Variants in ZNF569 observed in about 807,000 individuals in gnomAD.
The protein encoded by ZNF569 is zinc finger protein 569.
In ZNF569, 38 loss-of-function variants were observed where a neutral mutation model predicts 56.3. The ratio of observed to expected loss-of-function variants is 0.68; its 90% CI spans 0.52 to 0.88. ZNF569 has a LOEUF of 0.88. ZNF569 is among the 40% of genes least tolerant of loss of function. The probability of loss-of-function intolerance (pLI) is 0.00; values close to 1 mark genes in which losing one functional copy is unlikely to be tolerated. For missense variants in ZNF569, 666 were observed against 809.2 expected (o/e 0.82, Z 2.15); for synonymous variants, 241 against 262.9 (o/e 0.92, Z 0.81).
At chr19:37,454,141 G>A (rs1039816447) in intron 2 of ZNF569, among the ~76,000 whole-genome samples, 6 of 152,076 alleles carry the variant, frequency 3.9e-5, no homozygotes, top group Non-Finnish European at 8.8e-5. Context: ...TGTACCCCAG[G>A]CTTCAATAAT....
intron 2 of ZNF569, among the ~76,000 whole-genome samples, chr19:37,464,693 T>C (rs1032496847): frequency 6.6e-6 from 1 of 152,188 alleles, no homozygotes; most frequent in African/African-American, 2.4e-5. Flanking sequence ...TACTCCATGA[T>C]GTTCATACAA....
chr19:37,435,882 C>A (rs1453219620), intron 3 of ZNF569, among the ~76,000 whole-genome samples: 1 of 151,962 alleles, frequency 6.6e-6, no homozygotes, highest in Non-Finnish European at 1.5e-5. Context: ...AGAGATAGAC[C>A]CAATAGAATA....
chr19:37,440,653 CG>C (rs1347877920), intron 3 of ZNF569, among the ~76,000 whole-genome samples: 2 of 151,912 alleles, frequency 1.3e-5, no homozygotes, highest in African/African-American at 4.8e-5. Flanking sequence ...ATAAGAAACA[CG>C]GAAGGAAGTT....
intron 5 of ZNF569, among the ~76,000 whole-genome samples, chr19:37,417,600 C>A (rs2040955721): frequency 6.6e-6 from 1 of 151,800 alleles, no homozygotes; most frequent in Admixed American, 6.6e-5. Context: ...TTTCAGCAGC[C>A]CTAGGAAACT....
intron 3 of ZNF569, among the ~76,000 whole-genome samples, chr19:37,442,451 ATGG>A (rs1195080208): frequency 6.6e-6 from 1 of 152,184 alleles, no homozygotes; most frequent in African/African-American, 2.4e-5. Flanking sequence ...GCACAAGATA[ATGG>A]TGAAGACATG....
At position 37,413,676 on chromosome 19, in the gene ZNF569, A is replaced by C; in HGVS notation, c.982T>G (p.Cys328Gly). ...KVHTGEKPYA[C>G]NECGKAFPRI... ...GGGAAGGCTTTACCACATTCATTAC[A>C]TGCATAAGGTTTCTCCCCAGTATGA... Residue 328 changes from cysteine (C) to glycine (G), a missense_variant, in exon 6 of 6, where the codon TGT becomes GGT. Transcript: ENST00000316950. 1 of 1,614,026 alleles carries C rather than the reference A, an allele frequency of 6.2e-7. No homozygotes were observed. The highest frequency in any genetic ancestry group is 8.5e-7 in the Non-Finnish European group (1 of 1,179,946).
intron 3 of ZNF569, among the ~76,000 whole-genome samples, chr19:37,441,153 G>A (rs1214873847): frequency 6.6e-6 from 1 of 152,156 alleles, no homozygotes; most frequent in Admixed American, 6.5e-5. Flanking sequence ...TCCTCTTACA[G>A]GCCTGGAATA....
chr19:37,460,028 AG>A (rs1252774111), intron 2 of ZNF569, among the ~76,000 whole-genome samples: 1 of 152,230 alleles, frequency 6.6e-6, no homozygotes, highest in Non-Finnish European at 1.5e-5. Flanking sequence ...CAGACAAAGG[AG>A]GGGAGAAGAG....
chr19:37,456,988 CA>C (rs1197821741), intron 2 of ZNF569, among the ~76,000 whole-genome samples: 1 of 149,842 alleles, frequency 6.7e-6, no homozygotes, highest in African/African-American at 2.4e-5. Flanking sequence ...AAACAAAAAA[CA>C]AAAAACACAA....
At chr19:37,454,803 G>A (rs1266355053) in intron 2 of ZNF569, 1 of 699,622 alleles carries the variant, frequency 1.4e-6, no homozygotes, top group Admixed American at 2.0e-5. Flanking sequence ...TTAAAAATTT[G>A]TTTAAAAACT....
chr19:37,412,455 T>C lies in ZNF569; in HGVS notation c.*142A>G, dbSNP rs192902523. On this transcript the variant is annotated 3_prime_UTR_variant, in exon 6 of 6. Coordinates refer to ENST00000316950, the MANE Select transcript of ZNF569 (RefSeq NM_152484.3). Reference sequence around the variant, plus strand: ...ATAATTTGTCACCTTGGAAGAATTCTCTAATGTTTCATAAATTTGTGGCTT... The same window carrying C: ...ATAATTTGTCACCTTGGAAGAATTCCCTAATGTTTCATAAATTTGTGGCTT... 2.2e-6 allele frequency: 3 copies of C among 1,344,200 alleles called. No homozygotes were observed. The highest frequency in any genetic ancestry group is 2.6e-5 in the East Asian group (1 of 38,314). The allele number at this position is 1,344,200 out of a possible 1,614,324, so 83.3% of individuals were successfully genotyped here. A position where few individuals can be genotyped will look rare whatever the true frequency, so the allele number is the denominator to read the frequency against.
chr19:37,412,886 G>A lies in ZNF569; in HGVS notation c.1772C>T (p.Thr591Ile), dbSNP rs749285983. The A allele has an allele frequency of 8.1e-6, 13 of 1,613,934 alleles. No individual in the cohort carries two copies. Among genetic ancestry groups the A allele is most frequent in the Non-Finnish European group, 1.1e-5 (13 of 1,179,968 alleles). ...GCCTCTCATGTGCACAATAAGGGAA[G>A]TTCTTTGAGAGAAGGCTTTCCCACA... is the stretch of plus-strand genomic sequence containing the variant. Reference protein sequence around the residue: ...NECGKAFSQRTSLIVHMRGHT... With the variant: ...NECGKAFSQRISLIVHMRGHT... The change falls in exon 6 of 6, where the codon ACT becomes ATT. Residue 591 changes from threonine (T) to isoleucine (I), a missense_variant. Transcript: ENST00000316950.
chr19:37,445,607 A>G (rs2041480069), intron 2 of ZNF569, among the ~76,000 whole-genome samples: 1 of 152,222 alleles, frequency 6.6e-6, no homozygotes, highest in African/African-American at 2.4e-5. Flanking sequence ...GTTTCAGGAC[A>G]CAAAATTAAT....
chr19:37,446,481 C>T (rs1045528196), intron 2 of ZNF569, among the ~76,000 whole-genome samples: 5 of 143,180 alleles, frequency 3.5e-5, no homozygotes, highest in Admixed American at 2.9e-4. Flanking sequence ...ACCTGAGAGG[C>T]GGAGGTTGCA....
intron 5 of ZNF569, among the ~76,000 whole-genome samples, chr19:37,418,367 T>C (rs2040972420): frequency 6.6e-6 from 1 of 152,044 alleles, no homozygotes; most frequent in South Asian, 2.1e-4. Context: ...TATGGTATAA[T>C]AAATACATGA....
At chr19:37,453,272 C>T (rs1010163988) in intron 2 of ZNF569, among the ~76,000 whole-genome samples, 1 of 152,190 alleles carries the variant, frequency 6.6e-6, no homozygotes, top group Non-Finnish European at 1.5e-5. Context: ...AATCTCCCTA[C>T]TAGCTTCACT....
In ZNF569 at chr19:37,465,366, G is replaced by A. The variant is rs2041814047; in HGVS notation, c.-97C>T. 1 of 152,192 alleles carries A rather than the reference G, an allele frequency of 6.6e-6. No individual in the cohort carries two copies. Among genetic ancestry groups the A allele is most frequent in the Admixed American group, 6.5e-5 (1 of 15,282 alleles). The allele number at this position is 152,192 out of a possible 1,614,324, so 9.4% of individuals were successfully genotyped here. On this transcript the variant is annotated 5_prime_UTR_variant, in exon 2 of 6. Transcript: ENST00000316950. Reference sequence around the variant, plus strand: ...TAAGTACCATGATAGTAGGGGGTTTGTCTCTTGTTCACTGCTATATCCCAA... The same window carrying A: ...TAAGTACCATGATAGTAGGGGGTTTATCTCTTGTTCACTGCTATATCCCAA...
intron 2 of ZNF569, among the ~76,000 whole-genome samples, chr19:37,447,745 C>T (rs1011682334): frequency 6.6e-5 from 10 of 152,250 alleles, no homozygotes; most frequent in Admixed American, 2.0e-4. Flanking sequence ...TTTGAAGATG[C>T]CCTTTAGTAA....
At chr19:37,457,235 T>C (rs1029558111) in intron 2 of ZNF569, among the ~76,000 whole-genome samples, 1 of 152,298 alleles carries the variant, frequency 6.6e-6, no homozygotes, top group South Asian at 2.1e-4. Context: ...ATATATTATC[T>C]CTATACTTCC....
Sources: gnomAD v4.1 joint callset for allele counts (sites outside exome capture counted in the v4.1 genomes callset) on GRCh38, gnomAD v4.1.1 for gene constraint, MANE v1.5 for transcripts, NCBI Gene and HGNC (gene_info 2026-07-23, HGNC 2026-07-21) for gene names.